TMEM276: variants seen among roughly 807,000 people sequenced by gnomAD.
TMEM276 encodes the protein transmembrane protein 276.
At chr8:144,464,669 A>G in the TMEM276 span, 1 of 1,573,090 alleles carries the variant, frequency 6.4e-7, no homozygotes. Context: ...TCACCCTTTT[A>G]AACAGGAAAG....
the TMEM276 span, chr8:144,464,604 T>G: frequency 6.2e-6 from 10 of 1,606,640 alleles, no homozygotes; most frequent in Non-Finnish European, 8.5e-6. Flanking sequence ...CAGCAGCCCC[T>G]CGACTTGCCT....
chr8:144,464,878 C>A, the TMEM276 span: 3 of 1,612,550 alleles, frequency 1.9e-6, no homozygotes, highest in Non-Finnish European at 2.5e-6. Flanking sequence ...CTGTGCTCCA[C>A]TCGGCCCCCG....
the TMEM276 span, chr8:144,465,644 T>C: frequency 1.5e-5 from 2 of 132,918 alleles, no homozygotes; most frequent in East Asian, 2.3e-4. Flanking sequence ...AACGCTCTGT[T>C]TGGGTGGGTG....
chr8:144,466,405 C>A, the TMEM276 span: 1 of 1,230,154 alleles, frequency 8.1e-7, no homozygotes, highest in Non-Finnish European at 1.1e-6. Context: ...GGGCCCTCTG[C>A]CGCCCCGCGC....
At chr8:144,464,095 G>A in the TMEM276 span, 3 of 1,584,724 alleles carry the variant, frequency 1.9e-6, no homozygotes, top group Non-Finnish European at 1.7e-6. Flanking sequence ...GTGTTCGGCA[G>A]GGCAGAAACC....
chr8:144,464,649 G>C, the TMEM276 span: 1 of 1,581,640 alleles, frequency 6.3e-7, no homozygotes, highest in South Asian at 1.1e-5. Flanking sequence ...GTGGGAAAAA[G>C]AGGCCGGGGT....
At chr8:144,464,882 GC>G in the TMEM276 span, 1 of 1,612,308 alleles carries the variant, frequency 6.2e-7, no homozygotes. Context: ...GCTCCACTCG[GC>G]CCCCGGCTTG....
chr8:144,466,534 C>T, the TMEM276 span: 2 of 1,183,892 alleles, frequency 1.7e-6, no homozygotes, highest in Non-Finnish European at 2.1e-6. Flanking sequence ...CGGGGCTGGC[C>T]GTGCAGCCCG....
chr8:144,466,849 G>A, the TMEM276 span: 3 of 1,536,734 alleles, frequency 2.0e-6, no homozygotes, highest in Admixed American at 1.9e-5. Flanking sequence ...GTAGGTGCGG[G>A]CTGGGAGTCC....
At chr8:144,464,984 C>T in the TMEM276 span, 26 of 1,560,868 alleles carry the variant, frequency 1.7e-5, no homozygotes, top group Middle Eastern at 1.7e-4. Flanking sequence ...AAGCCAGCGA[C>T]CTGGAGCCCT....
At chr8:144,466,513 GC>G in the TMEM276 span, 1 of 1,281,442 alleles carries the variant, frequency 7.8e-7, no homozygotes, top group Non-Finnish European at 9.9e-7. Context: ...CGGGGACCCC[GC>G]CCAGGTGAGC....
At chr8:144,466,735 AG>A in the TMEM276 span, 1 of 1,502,904 alleles carries the variant, frequency 6.7e-7, no homozygotes, top group Non-Finnish European at 8.9e-7. Flanking sequence ...CCCCCTCCTC[AG>A]GGGCGCCCCT....
chr8:144,466,058 G>A, the TMEM276 span: 5 of 152,066 alleles, frequency 3.3e-5, no homozygotes, highest in African/African-American at 9.7e-5. Flanking sequence ...TGTAGGGAGA[G>A]GAAGGAGAAC....
chr8:144,466,088 C>T, the TMEM276 span: 1 of 152,086 alleles, frequency 6.6e-6, no homozygotes, highest in East Asian at 2.0e-4. Flanking sequence ...TTGAAGGCTC[C>T]GCGAAACCGG....
the TMEM276 span, chr8:144,465,997 GA>G: frequency 2.2e-5 from 3 of 136,912 alleles, no homozygotes; most frequent in Admixed American, 7.2e-5. Context: ...GGGCTGCGAG[GA>G]GGGGGGGTCT....
At chr8:144,465,944 G>A in the TMEM276 span, 1 of 134,664 alleles carries the variant, frequency 7.4e-6, no homozygotes, top group South Asian at 2.6e-4. Flanking sequence ...GGGACCGAGA[G>A]GGGAGGAGCC....
At chr8:144,466,071 C>T in the TMEM276 span, 1 of 150,432 alleles carries the variant, frequency 6.6e-6, no homozygotes, top group Non-Finnish European at 1.5e-5. Context: ...AGGAGAACCC[C>T]GGCGTGTTGA....
the TMEM276 span, chr8:144,464,096 G>A: frequency 6.3e-7 from 1 of 1,585,766 alleles, no homozygotes; most frequent in Non-Finnish European, 8.6e-7. Context: ...TGTTCGGCAG[G>A]GCAGAAACCC....
the TMEM276 span, chr8:144,466,798 G>C: frequency 6.5e-7 from 1 of 1,536,150 alleles, no homozygotes; most frequent in Middle Eastern, 2.3e-4. Context: ...GCCCAGACCT[G>C]CCCGCGCCAG....
Sources: allele counts gnomAD v4.1 joint callset, GRCh38; gene constraint gnomAD v4.1.1; transcripts MANE v1.5; gene names NCBI Gene and HGNC (gene_info 2026-07-23, HGNC 2026-07-21).